Variants in RNF13 observed in about 807,000 individuals in gnomAD.
RNF13 encodes ring finger protein 13, also known as E3 ubiquitin-protein ligase RNF13.
In RNF13, 19 loss-of-function variants were observed where a neutral mutation model predicts 37.7. That is an observed-to-expected ratio of 0.50 (90% CI 0.35 to 0.74). RNF13 has a LOEUF of 0.74. Among genes scored for constraint, RNF13 ranks in the 30% least tolerant of loss-of-function variants. RNF13 has a pLI of 0.01. For missense variants in RNF13, 375 were observed against 453.0 expected, an observed-to-expected ratio of 0.83 and a Z score of 1.56; for synonymous variants, 144 against 157.8, an observed-to-expected ratio of 0.91 and a Z score of 0.65.
At chr3:149,861,957 A>G (rs1724301235) in intron 3 of RNF13, among the ~76,000 whole-genome samples, 1 of 152,156 alleles carries the variant, frequency 6.6e-6, no homozygotes, top group African/African-American at 2.4e-5. Context: ...AAAATCATAC[A>G]TAATTCTACA....
intron 4 of RNF13, among the ~76,000 whole-genome samples, chr3:149,878,644 G>A (rs920843363): frequency 5.3e-5 from 8 of 152,134 alleles, no homozygotes; most frequent in African/African-American, 1.9e-4. Flanking sequence ...CATCTGCATT[G>A]TTTTGATCAC....
At chr3:149,896,473 C>T (rs796190241) in intron 5 of RNF13, among the ~76,000 whole-genome samples, 9 of 151,386 alleles carry the variant, frequency 5.9e-5, no homozygotes, top group African/African-American at 1.9e-4. Context: ...TGTTTTTGCC[C>T]TTCTTCTTTA....
intron 3 of RNF13, among the ~76,000 whole-genome samples, chr3:149,857,768 A>G (rs1354458206): frequency 6.6e-6 from 1 of 152,220 alleles, no homozygotes; most frequent in Non-Finnish European, 1.5e-5. Context: ...TTATTATTGT[A>G]TAATGTAACG....
chr3:149,901,158 A>G (rs1430574734), intron 5 of RNF13, among the ~76,000 whole-genome samples: 2 of 152,156 alleles, frequency 1.3e-5, no homozygotes, highest in African/African-American at 4.8e-5. Context: ...TTGTCCTTGG[A>G]TGGGAAAGAT....
chr3:149,941,707 A>C (rs1233817156), intron 8 of RNF13, among the ~76,000 whole-genome samples: 3 of 150,960 alleles, frequency 2.0e-5, no homozygotes, highest in African/African-American at 7.3e-5. Context: ...CCATTTGTCT[A>C]TTTTTTTCTT....
intron 1 of RNF13, among the ~76,000 whole-genome samples, chr3:149,837,696 C>T (rs898720844): frequency 3.3e-5 from 5 of 152,124 alleles, no homozygotes; most frequent in African/African-American, 7.2e-5. Context: ...TACCTCCTGC[C>T]GGGTCCCTCC....
intron 1 of RNF13, among the ~76,000 whole-genome samples, chr3:149,838,491 A>G (rs1198758213): frequency 1.3e-5 from 2 of 152,202 alleles, no homozygotes; most frequent in African/African-American, 4.8e-5. Flanking sequence ...CCAAGCCTCA[A>G]TTCTTGACTT....
At chr3:149,859,759 C>T (rs1724035467) in intron 3 of RNF13, among the ~76,000 whole-genome samples, 1 of 152,120 alleles carries the variant, frequency 6.6e-6, no homozygotes, top group Non-Finnish European at 1.5e-5. Flanking sequence ...GAATATGGCT[C>T]ATGGAGTAGA....
chr3:149,829,586 T>A (rs1476067287), intron 1 of RNF13, among the ~76,000 whole-genome samples: 2 of 152,198 alleles, frequency 1.3e-5, no homozygotes, highest in East Asian at 3.8e-4. Context: ...TAGAGGAATT[T>A]GCTGGGCAAA....
chr3:149,894,233 A>G (rs1313144567), intron 4 of RNF13, among the ~76,000 whole-genome samples: 2 of 152,098 alleles, frequency 1.3e-5, no homozygotes, highest in African/African-American at 4.8e-5. Flanking sequence ...TCTAACTTGA[A>G]TTGGTGGGAT....
At chr3:149,936,052 T>C (rs1183666115) in intron 8 of RNF13, among the ~76,000 whole-genome samples, 1 of 152,018 alleles carries the variant, frequency 6.6e-6, no homozygotes, top group Non-Finnish European at 1.5e-5. Context: ...AGCTTTTTAA[T>C]ATGTCATCCC....
chr3:149,945,538 A>C (rs941038490), intron 8 of RNF13, among the ~76,000 whole-genome samples: 1 of 152,204 alleles, frequency 6.6e-6, no homozygotes, highest in Non-Finnish European at 1.5e-5. Flanking sequence ...GCAGACTTAA[A>C]TGTCCCTGTC....
intron 3 of RNF13, among the ~76,000 whole-genome samples, chr3:149,869,678 G>A (rs1368652829): frequency 6.6e-6 from 1 of 151,742 alleles, no homozygotes; most frequent in Non-Finnish European, 1.5e-5. Context: ...GTCCATTTGG[G>A]GATCATGGTT....
Position 149,961,415 on chromosome 3 carries a change from TTAAG to T in RNF13, c.*313_*316del, listed in dbSNP as rs558938603. 2.0e-6 allele frequency: 1 copy of T among 500,552 alleles called. No individual in the cohort carries two copies. Among genetic ancestry groups the T allele is most frequent in the Non-Finnish European group, 3.8e-6 (1 of 262,154 alleles). The allele number at this position is 500,552 out of a possible 1,614,324, so 31.0% of individuals were successfully genotyped here. Reference sequence around the variant, plus strand: ...GCAATTAAGACCTAGATCACAGTATTTAAGTGTTTTGCGTTTTATACATGAGGTC... The same window carrying T: ...GCAATTAAGACCTAGATCACAGTATTTGTTTTGCGTTTTATACATGAGGTC... On this transcript the variant is annotated 3_prime_UTR_variant, in exon 10 of 10. Coordinates refer to ENST00000392894, the MANE Select transcript of RNF13 (RefSeq NM_183381.3).
chr3:149,954,183 A>G (rs1349497506), intron 8 of RNF13, among the ~76,000 whole-genome samples: 1 of 152,096 alleles, frequency 6.6e-6, no homozygotes, highest in East Asian at 1.9e-4. Flanking sequence ...GACAAGGTAT[A>G]TACACACAGA....
intron 3 of RNF13, among the ~76,000 whole-genome samples, chr3:149,868,189 T>C (rs1711567824): frequency 6.6e-6 from 1 of 151,836 alleles, no homozygotes; most frequent in Admixed American, 6.6e-5. Context: ...AACAATTGTT[T>C]TAAATAGATT....
chr3:149,903,606 A>G (rs967627906), intron 6 of RNF13, among the ~76,000 whole-genome samples: 3 of 152,094 alleles, frequency 2.0e-5, no homozygotes, highest in Non-Finnish European at 4.4e-5. Flanking sequence ...TATTTACTTA[A>G]TGTTTTGACC....
chr3:149,953,719 C>T (rs911570852), intron 8 of RNF13, among the ~76,000 whole-genome samples: 1 of 152,146 alleles, frequency 6.6e-6, no homozygotes, highest in African/African-American at 2.4e-5. Flanking sequence ...AATTCTGGAT[C>T]CCCCATTTAT....
intron 8 of RNF13, among the ~76,000 whole-genome samples, chr3:149,922,437 G>GGA (rs1465737614): frequency 3.3e-5 from 5 of 152,210 alleles, no homozygotes; most frequent in Non-Finnish European, 7.3e-5. Flanking sequence ...AGCAGGAGAA[G>GGA]GATGCACAGT....
Sources: gnomAD v4.1 joint callset for allele counts (sites outside exome capture counted in the v4.1 genomes callset) on GRCh38, gnomAD v4.1.1 for gene constraint, MANE v1.5 for transcripts, NCBI Gene and HGNC (gene_info 2026-07-23, HGNC 2026-07-21) for gene names.